BPIFB6: variants seen among roughly 807,000 people sequenced by gnomAD.
BPIFB6 encodes BPI fold-containing family B member 6.
A neutral mutation model predicts 54.7 loss-of-function variants in BPIFB6; 47 were observed. The observed-to-expected ratio is 0.86, with a 90% confidence interval of 0.68 to 1.10. The LOEUF (loss-of-function observed/expected upper bound fraction) is 1.10, where lower values mean the gene tolerates loss of function less well. BPIFB6 is among the 50% of genes least tolerant of loss of function. The pLI is 0.00. For synonymous variants in BPIFB6, 255 were observed against 225.9 expected (o/e 1.13, Z -1.16); for missense variants, 603 against 564.1 (o/e 1.07, Z -0.70).
chr20:33,035,128 A>G lies in BPIFB6; in HGVS notation c.500A>G (p.Lys167Arg), dbSNP rs2146364299. Residue 167 changes from lysine to arginine, a missense_variant, in exon 5 of 15, where the codon AAA becomes AGA. Lys to Arg is a conservative substitution (Grantham distance 26). Coordinates refer to ENST00000349552, the MANE Select transcript of BPIFB6 (RefSeq NM_174897.2). ...AAGTTCCTGGACAGCACCCTGCACA[A>G]AGTCCTCCCTGGGCTGGTGAGTGAC... Reference protein sequence around the residue: ...VNKFLDSTLHKVLPGLMCPAI... With the variant: ...VNKFLDSTLHRVLPGLMCPAI... The G allele has an allele frequency of 6.2e-7, 1 of 1,613,780 alleles. No individual in the cohort carries two copies. Among genetic ancestry groups the G allele is most frequent in the South Asian group, 1.1e-5 (1 of 91,054 alleles).
intron 12 of BPIFB6, 125 bp downstream of exon 12, chr20:33,042,140 G>A (rs1379753729): frequency 1.7e-5 from 16 of 917,624 alleles, no homozygotes; most frequent in African/African-American, 1.2e-4. Context: ...ACTGTGAGGC[G>A]TGGCGCACCT....
At chr20:33,033,140 G>A (rs1215440377) in intron 2 of BPIFB6, 57 bp downstream of exon 2, 1 of 1,329,546 alleles carries the variant, frequency 7.5e-7, no homozygotes, top group Non-Finnish European at 1.1e-6. Flanking sequence ...GGTGGGGATT[G>A]CTGTGCCCAA....
intron 2 of BPIFB6, among the ~76,000 whole-genome samples, chr20:33,033,956 A>G (rs1269389727): frequency 2.0e-5 from 3 of 152,238 alleles, no homozygotes; most frequent in Non-Finnish European, 4.4e-5. Flanking sequence ...ACACAGAGTC[A>G]GCCATGTGTC....
rs144547584 is a variant in BPIFB6 at position 33,037,624 on chromosome 20, G to A, written c.732G>A (p.Thr244=). Residue 244 remains threonine, a synonymous_variant, in exon 8 of 15, where the codon ACG becomes ACA. Coordinates refer to ENST00000349552, the MANE Select transcript of BPIFB6 (RefSeq NM_174897.2). ...IKLADAGEAL[T]FPEGYAKGSS... ...TTGCTGATGCCGGGGAGGCCCTCAC[G>A]TTCCCTGAGGGTTATGCCAAAGGCT... is the stretch of plus-strand genomic sequence containing the variant. 765 of 1,614,008 alleles carry A rather than the reference G, an allele frequency of 4.7e-4. 1 individual carries two copies. Among genetic ancestry groups the A allele is most frequent in the Admixed American group, 9.3e-4 (56 of 60,002 alleles).
intron 8 of BPIFB6, 71 bp downstream of exon 8, chr20:33,037,809 T>A: frequency 6.5e-7 from 1 of 1,542,710 alleles, no homozygotes; most frequent in Non-Finnish European, 8.9e-7. Flanking sequence ...AGTTTTTCTA[T>A]CATGAAAATT....
chr20:33,043,215 ATCCCTACCCCAG>A, intron 13 of BPIFB6, 64 bp from the exon 14 acceptor site: 1 of 1,299,222 alleles, frequency 7.7e-7, no homozygotes, highest in Non-Finnish European at 1.1e-6. Flanking sequence ...ATTTCCCACT[ATCCCTACCCCAG>A]GCTGCCACTC....
rs767039715 is a variant in BPIFB6, at chr20:33,035,087, C to T, written c.459C>T (p.Leu153=). 1.9e-6 allele frequency: 3 copies of T among 1,613,852 alleles called. No homozygotes were observed. The highest frequency in any genetic ancestry group is 2.2e-5 in the South Asian group (2 of 91,052). ...GGTGCCTGTGTCCATCTAGCATGCT[C>T]CCCAAGATGGTCAACAAGTTCCTGG... The part of the protein sequence containing the change: ...NVKTNLPSNM[L]PKMVNKFLDS... Residue 153 remains leucine, a synonymous_variant, in exon 5 of 15, where the codon CTC becomes CTT. Transcript: ENST00000349552.
At chr20:33,042,259 G>T (rs1436069442) in intron 12 of BPIFB6, among the ~76,000 whole-genome samples, 1 of 152,184 alleles carries the variant, frequency 6.6e-6, no homozygotes. Flanking sequence ...ACATTGTCAT[G>T]AACAGTGGCA....
chr20:33,033,798 A>G (rs771850446), intron 2 of BPIFB6, among the ~76,000 whole-genome samples: 1 of 152,208 alleles, frequency 6.6e-6, no homozygotes, highest in Non-Finnish European at 1.5e-5. Flanking sequence ...TAGACATCCA[A>G]TAATGCACAA....
At chr20:33,032,948 A>G (rs1431065410) in intron 1 of BPIFB6, 36 bp from the exon 2 acceptor site, 2 of 1,552,468 alleles carry the variant, frequency 1.3e-6, no homozygotes. Context: ...TGATTGGCCC[A>G]GGGAAAATCT....
intron 11 of BPIFB6, 62 bp from the exon 12 acceptor site, chr20:33,041,908 G>T: frequency 6.7e-7 from 1 of 1,496,768 alleles, no homozygotes. Flanking sequence ...CCAGCGCCAG[G>T]GCCACTGGCT....
At chr20:33,033,880 G>A (rs901480696) in intron 2 of BPIFB6, among the ~76,000 whole-genome samples, 3 of 152,158 alleles carry the variant, frequency 2.0e-5, no homozygotes, top group Non-Finnish European at 2.9e-5. Context: ...CCTGATCTAA[G>A]CAAGCCTCCC....
intron 12 of BPIFB6, 59 bp from the exon 13 acceptor site, chr20:33,042,756 A>T (rs1979641553): frequency 6.7e-7 from 1 of 1,501,958 alleles, no homozygotes; most frequent in African/African-American, 1.4e-5. Context: ...GGCTGAAAAG[A>T]TCTGTTGAAT....
chr20:33,038,441 A>G (rs539839011), intron 8 of BPIFB6, among the ~76,000 whole-genome samples: 1 of 151,592 alleles, frequency 6.6e-6, no homozygotes, highest in Admixed American at 6.6e-5. Context: ...TCATCCTCCT[A>G]TCCACCATTC....
At chr20:33,037,450 G>T in intron 7 of BPIFB6, 112 bp from the exon 8 acceptor site, 1 of 1,054,276 alleles carries the variant, frequency 9.5e-7, no homozygotes, top group Admixed American at 2.6e-5. Flanking sequence ...AAGATTTAAT[G>T]ATTTGCTGAC....
At chr20:33,039,071 G>C (rs1568987042) in intron 9 of BPIFB6, 109 bp downstream of exon 9, 2 of 1,270,034 alleles carry the variant, frequency 1.6e-6, no homozygotes, top group East Asian at 2.3e-5. Flanking sequence ...CATATTCCTT[G>C]TCCAATGCTG....
chr20:33,034,422 A>G lies in BPIFB6; in HGVS notation c.302+132A>G. The G allele has an allele frequency of 1.4e-5, 10 of 721,760 alleles. No individual in the cohort carries two copies. In the South Asian group the frequency reaches 1.6e-4, roughly 12 times the overall value. 44.7% of individuals were successfully genotyped at this position (721,760 alleles called of 1,614,324 possible). ...CTGGGATGATGTAGACTTGGTCCCT[A>G]CCTTTGTCAGGAACCAGACCTAAGC... On this transcript the variant is annotated intron_variant, in intron 3 of 14. Coordinates refer to ENST00000349552, the MANE Select transcript of BPIFB6 (RefSeq NM_174897.2).
At position 33,042,035 on chromosome 20, in the gene BPIFB6, T is replaced by C. The variant is rs759024546; in HGVS notation, c.1188+20T>C. On this transcript the variant is annotated intron_variant, in intron 12 of 14. Coordinates refer to ENST00000349552, the MANE Select transcript of BPIFB6 (RefSeq NM_174897.2). The stretch of plus-strand genomic sequence containing the variant: ...TTCAATGTAAGTGTCCCAAGTGCTC[T>C]TGCCTGTCCGGCGTGAGGACAAGAC... 1 of 1,611,504 alleles carries C rather than the reference T, an allele frequency of 6.2e-7. No homozygotes were observed. The highest frequency in any genetic ancestry group is 1.1e-5 in the South Asian group (1 of 91,024).
rs1488321337 is a variant in BPIFB6 at position 33,042,015 on chromosome 20, T to G, written c.1188T>G (p.Asn396Lys). The change falls in exon 12 of 15, where the codon AAT becomes AAG. Residue 396 changes from asparagine to lysine, a missense_variant and splice_region_variant. Transcript: ENST00000349552. ...AGTCCTCATCGATTGGCAACTTCAA[T>G]GTAAGTGTCCCAAGTGCTCTTGCCT... The part of the protein sequence containing the change: ...SRKSSSIGNF[N>K]ERELTGFITS... 1.2e-6 allele frequency: 2 copies of G among 1,613,900 alleles called. No individual in the cohort carries two copies. Among genetic ancestry groups the G allele is most frequent in the Non-Finnish European group, 1.7e-6 (2 of 1,179,812 alleles).
Sources: allele counts gnomAD v4.1 joint callset (sites outside exome capture counted in the v4.1 genomes callset), GRCh38; gene constraint gnomAD v4.1.1; transcripts MANE v1.5; gene names NCBI Gene and HGNC (gene_info 2026-07-23, HGNC 2026-07-21).